The following PPP1R14C variants were observed in gnomAD, a reference collection of about 807,000 sequenced individuals.
The protein encoded by PPP1R14C is protein phosphatase 1 regulatory subunit 14C.
A neutral mutation model predicts 20.4 loss-of-function variants in PPP1R14C; 16 were observed. The observed-to-expected ratio is 0.78, with a 90% CI of 0.53 to 1.19. PPP1R14C has a LOEUF of 1.19. Among genes scored for constraint, PPP1R14C ranks in the 50% most tolerant of loss-of-function variants. The pLI is 0.00. For missense variants in PPP1R14C, 211 were observed against 220.1 expected, an observed-to-expected ratio of 0.96 and a Z score of 0.26; for synonymous variants, 91 against 91.0, an observed-to-expected ratio of 1.00 and a Z score of 0.00.
intron 1 of PPP1R14C, among the ~76,000 whole-genome samples, chr6:150,177,567 C>G (rs565703504): frequency 6.6e-6 from 1 of 152,190 alleles, no homozygotes; most frequent in African/African-American, 2.4e-5. Context: ...GTTCCTTTCC[C>G]CCCTCAGTCC....
chr6:150,218,545 C>G (rs982161006), intron 3 of PPP1R14C, among the ~76,000 whole-genome samples: 2 of 141,396 alleles, frequency 1.4e-5, no homozygotes, highest in Admixed American at 1.5e-4. Flanking sequence ...ACCTTTCAGG[C>G]CCTTTTCCTA....
At chr6:150,219,030 C>G (rs1778134570) in intron 3 of PPP1R14C, among the ~76,000 whole-genome samples, 1 of 151,804 alleles carries the variant, frequency 6.6e-6, no homozygotes, top group Non-Finnish European at 1.5e-5. Flanking sequence ...TGATCACTCT[C>G]TCTCTCTCCA....
chr6:150,149,455 CT>C (rs869244401), intron 1 of PPP1R14C, among the ~76,000 whole-genome samples: 193 of 35,490 alleles, frequency 5.4e-3, no homozygotes, highest in African/African-American at 0.022. Context: ...TTTTTTTTTT[CT>C]TTTTTTTTTT....
intron 3 of PPP1R14C, among the ~76,000 whole-genome samples, chr6:150,217,253 TG>T (rs1186741040): frequency 1.3e-5 from 2 of 151,444 alleles, no homozygotes; most frequent in African/African-American, 4.9e-5. Flanking sequence ...TGGAGTGCAG[TG>T]GTGTGATCTC....
At chr6:150,242,566 T>C (rs996825856) in intron 3 of PPP1R14C, among the ~76,000 whole-genome samples, 14 of 152,240 alleles carry the variant, frequency 9.2e-5, no homozygotes, top group South Asian at 2.1e-4. Flanking sequence ...CCTCCTTAAG[T>C]TGATAAAAAA....
chr6:150,151,669 C>A (rs1323146469), intron 1 of PPP1R14C, among the ~76,000 whole-genome samples: 1 of 152,228 alleles, frequency 6.6e-6, no homozygotes, highest in African/African-American at 2.4e-5. Flanking sequence ...ATCCTCCCAA[C>A]AACTTTATGA....
At chr6:150,235,043 C>G (rs756151625) in intron 3 of PPP1R14C, among the ~76,000 whole-genome samples, 2 of 152,072 alleles carry the variant, frequency 1.3e-5, no homozygotes, top group Non-Finnish European at 2.9e-5. Flanking sequence ...ACCAGATGAG[C>G]TCTAAATGGG....
At chr6:150,195,117 G>T in intron 1 of PPP1R14C, 2 of 983,556 alleles carry the variant, frequency 2.0e-6, no homozygotes, top group Non-Finnish European at 2.4e-6. Flanking sequence ...CAATTATGTG[G>T]GTTACTCTTA....
intron 3 of PPP1R14C, among the ~76,000 whole-genome samples, chr6:150,248,519 G>T (rs1778520643): frequency 6.6e-6 from 1 of 152,166 alleles, no homozygotes; most frequent in Admixed American, 6.5e-5. Context: ...AAAGTAGCCT[G>T]GTTTCCCCCG....
At chr6:150,233,434 C>G (rs1218496169) in intron 3 of PPP1R14C, among the ~76,000 whole-genome samples, 1 of 152,144 alleles carries the variant, frequency 6.6e-6, no homozygotes, top group Non-Finnish European at 1.5e-5. Context: ...TTCCAAACTT[C>G]TAAATAAAGA....
chr6:150,144,329 C>T (rs1251165380), intron 1 of PPP1R14C, among the ~76,000 whole-genome samples: 2 of 152,240 alleles, frequency 1.3e-5, no homozygotes, highest in Non-Finnish European at 2.9e-5. Context: ...GGACTAAGGT[C>T]ATACACAAGT....
chr6:150,151,332 T>A (rs1424136069), intron 1 of PPP1R14C, among the ~76,000 whole-genome samples: 1 of 152,138 alleles, frequency 6.6e-6, no homozygotes, highest in East Asian at 1.9e-4. Context: ...CTGTGCACAG[T>A]TGTCCCAGCC....
intron 1 of PPP1R14C, among the ~76,000 whole-genome samples, chr6:150,159,565 C>T (rs1389248957): frequency 6.6e-6 from 1 of 152,132 alleles, no homozygotes; most frequent in Non-Finnish European, 1.5e-5. Flanking sequence ...TCCTTCTGTC[C>T]CTCCTTCCAA....
chr6:150,189,762 A>G (rs1245362789), intron 1 of PPP1R14C, among the ~76,000 whole-genome samples: 1 of 152,228 alleles, frequency 6.6e-6, no homozygotes, highest in African/African-American at 2.4e-5. Flanking sequence ...AGACTGATAC[A>G]GAATGCTTTA....
chr6:150,216,301 G>A (rs1381429944), intron 2 of PPP1R14C, among the ~76,000 whole-genome samples: 2 of 152,180 alleles, frequency 1.3e-5, no homozygotes, highest in Non-Finnish European at 2.9e-5. Flanking sequence ...TTCGAGACCA[G>A]CCTGGCTAAC....
chr6:150,175,150 T>G (rs554460409), intron 1 of PPP1R14C, among the ~76,000 whole-genome samples: 1 of 152,208 alleles, frequency 6.6e-6, no homozygotes, highest in Non-Finnish European at 1.5e-5. Flanking sequence ...TGTGCTGGGC[T>G]GTTCTAAGGC....
chr6:150,243,511 A>G (rs1223250971), intron 3 of PPP1R14C, among the ~76,000 whole-genome samples: 2 of 152,280 alleles, frequency 1.3e-5, no homozygotes, highest in Admixed American at 1.3e-4. Flanking sequence ...AGGACCTAGA[A>G]TAGCCAAAAC....
chr6:150,155,381 C>G (rs1469046252), intron 1 of PPP1R14C, among the ~76,000 whole-genome samples: 1 of 152,078 alleles, frequency 6.6e-6, no homozygotes, highest in African/African-American at 2.4e-5. Context: ...TCATAAAGCA[C>G]CATCAGATAA....
chr6:150,165,549 T>C (rs1777413592), intron 1 of PPP1R14C, among the ~76,000 whole-genome samples: 1 of 152,258 alleles, frequency 6.6e-6, no homozygotes. Flanking sequence ...GGGCCTACTA[T>C]GTGGCAGGCA....
Sources: allele counts gnomAD v4.1 joint callset (sites outside exome capture counted in the v4.1 genomes callset), GRCh38; gene constraint gnomAD v4.1.1; transcripts MANE v1.5; gene names NCBI Gene and HGNC (gene_info 2026-07-23, HGNC 2026-07-21).